CRYBB1: variants seen among roughly 807,000 people sequenced by gnomAD.
CRYBB1 encodes crystallin beta B1.
Under a neutral mutation model 29.5 loss-of-function variants are expected in CRYBB1, and 16 were observed. That is an observed-to-expected ratio of 0.54 (90% CI 0.37 to 0.82). CRYBB1 has a LOEUF of 0.82. Among genes scored for constraint, CRYBB1 ranks in the 40% least tolerant of loss-of-function variants. The pLI is 0.00. For missense variants in CRYBB1, 300 were observed against 350.5 expected (o/e 0.86, Z 1.15); for synonymous variants, 127 against 136.7 (o/e 0.93, Z 0.49).
rs1460534857 is a variant in CRYBB1 at position 26,612,103 on chromosome 22, G to A, written c.268C>T (p.Arg90Cys). 1.2e-6 allele frequency: 2 copies of A among 1,613,666 alleles called. No individual in the cohort carries two copies. The highest frequency in any genetic ancestry group is 2.2e-5 in the East Asian group (1 of 44,860). The change falls in exon 3 of 6, where the codon CGT (arginine) becomes TGT (cysteine). Residue 90 changes from arginine to cysteine, a missense_variant. Arg to Cys is a radical substitution (Grantham distance 180). Transcript: ENST00000647684. ...GCGGAGACAATGATGCTGCGCACACGGTCGAAGCCACGGTCTGCCAGATTT... is the reference window on the plus strand; with the variant it reads ...GCGGAGACAATGATGCTGCGCACACAGTCGAAGCCACGGTCTGCCAGATTT... Reference protein sequence around the residue: ...CSNLADRGFDRVRSIIVSAGP... With the variant: ...CSNLADRGFDCVRSIIVSAGP...
intron 2 of CRYBB1, 51 bp downstream of exon 2, chr22:26,616,089 A>G (rs1157634716): frequency 2.8e-6 from 4 of 1,406,404 alleles, no homozygotes; most frequent in Non-Finnish European, 4.0e-6. Flanking sequence ...AGGAGGAGGG[A>G]AGGAAGGAAA....
chr22:26,602,112 A>G, intron 4 of CRYBB1, 91 bp from the exon 5 acceptor site: 1 of 1,527,450 alleles, frequency 6.5e-7, no homozygotes, highest in Non-Finnish European at 8.9e-7. Context: ...GGAGCGAGAG[A>G]GATGAGCCTG....
At chr22:26,602,175 G>A (rs1928841986) in intron 4 of CRYBB1, among the ~76,000 whole-genome samples, 154 bp from the exon 5 acceptor site, 1 of 152,140 alleles carries the variant, frequency 6.6e-6, no homozygotes, top group African/African-American at 2.4e-5. Flanking sequence ...TCTGGAAGGA[G>A]ACATAAGGAA....
intron 4 of CRYBB1, among the ~76,000 whole-genome samples, chr22:26,603,905 CAG>C (rs1223638624): frequency 2.6e-5 from 4 of 152,148 alleles, no homozygotes; most frequent in African/African-American, 9.7e-5. Flanking sequence ...GCCTGGGTGA[CAG>C]AGCAAGACTC....
Position 26,601,971 on chromosome 22 carries a change from GC to G in CRYBB1, c.482del (p.Gly161AlafsTer4), listed in dbSNP as rs769149886. The G allele has an allele frequency of 2.0e-5, 32 of 1,613,638 alleles. No individual in the cohort carries two copies. Among genetic ancestry groups the G allele is most frequent in the Non-Finnish European group, 2.6e-5 (31 of 1,179,924 alleles). ...CGTCCCCCTGGATCTCTATGGTGTT[GC>G]CCTTGAAGTTGGCCCCTTCAAACAG... ...ISLFEGANFK[G>X]NTIEIQGDDA... is the part of the protein sequence containing the mutation. On this transcript the variant is annotated frameshift_variant, in exon 5 of 6. Coordinates refer to ENST00000647684, the MANE Select transcript of CRYBB1 (RefSeq NM_001887.4). LOFTEE classifies it high-confidence loss of function.
At chr22:26,608,435 TG>T (rs1929054920) in intron 3 of CRYBB1, among the ~76,000 whole-genome samples, 1 of 152,246 alleles carries the variant, frequency 6.6e-6, no homozygotes, top group Non-Finnish European at 1.5e-5. Flanking sequence ...TTGATGTTAA[TG>T]TGCCTTTAAC....
chr22:26,607,550 C>T (rs1350674715), intron 4 of CRYBB1, among the ~76,000 whole-genome samples: 1 of 127,742 alleles, frequency 7.8e-6, no homozygotes, highest in Non-Finnish European at 1.6e-5. Context: ...CAGCAAAACC[C>T]CATCTTTGGG....
chr22:26,612,010 C>A, intron 3 of CRYBB1, 62 bp downstream of exon 3: 1 of 1,216,414 alleles, frequency 8.2e-7, no homozygotes, highest in Non-Finnish European at 1.2e-6. Flanking sequence ...GAAATGGCAG[C>A]TACTGTTGTG....
chr22:26,613,801 C>T (rs1044666388), intron 2 of CRYBB1, among the ~76,000 whole-genome samples: 1 of 152,268 alleles, frequency 6.6e-6, no homozygotes, highest in Admixed American at 6.5e-5. Flanking sequence ...AAACTCTGAC[C>T]GCCAGTGAGC....
chr22:26,608,080 C>T lies in CRYBB1; in HGVS notation c.300-59G>A. On this transcript the variant is annotated intron_variant, in intron 3 of 5. Transcript: ENST00000647684. ...GACATATGGTTAGTAGAAGCCCCCACTCCCTACTTGCCTTTCTCTCTCCCC... is the reference window on the plus strand; with the variant it reads ...GACATATGGTTAGTAGAAGCCCCCATTCCCTACTTGCCTTTCTCTCTCCCC... 5.6e-6 allele frequency: 9 copies of T among 1,613,052 alleles called. No homozygotes were observed. In the South Asian group the frequency reaches 8.8e-5, roughly 16 times the overall value.
In CRYBB1 at chr22:26,599,549, C is replaced by T. The variant is rs778070512; in HGVS notation, c.700G>A (p.Asp234Asn). 2 of 1,614,138 alleles carry T rather than the reference C, an allele frequency of 1.2e-6. No homozygotes were observed. The highest frequency in any genetic ancestry group is 2.2e-5 in the East Asian group (1 of 44,886). The stretch of plus-strand genomic sequence containing the variant: ...GACCCCTCGAGGTGCCACTGCTTGT[C>T]ACGCAGGCGACGCAGGGACTGCATC... ...PQMQSLRRLR[D>N]KQWHLEGSFP... Residue 234 changes from aspartate (D) to asparagine (N), a missense_variant, in exon 6 of 6, where the codon GAC becomes AAC. Coordinates refer to ENST00000647684, the MANE Select transcript of CRYBB1 (RefSeq NM_001887.4).
At chr22:26,605,549 C>A (rs944381215) in intron 4 of CRYBB1, among the ~76,000 whole-genome samples, 1 of 151,634 alleles carries the variant, frequency 6.6e-6, no homozygotes, top group African/African-American at 2.4e-5. Flanking sequence ...CGGTGCACAC[C>A]TATAATCCCA....
Position 26,612,161 on chromosome 22 carries a change from C to G in CRYBB1, c.210G>C (p.Gln70His). 6.2e-7 allele frequency: 1 copy of G among 1,613,906 alleles called. No individual in the cohort carries two copies. Among genetic ancestry groups the G allele is most frequent in the East Asian group, 2.2e-5 (1 of 44,844 alleles). ...RLVVFELENF[Q>H]GRRAEFSGEC... ...CCCCCGAGAATTCTGCTCGACGGCC[C>G]TGGAAGTTTTCCAGTTCGAAGACCA... Residue 70 changes from glutamine (Q) to histidine (H), a missense_variant, in exon 3 of 6, where the codon CAG (glutamine) becomes CAC (histidine). Coordinates refer to ENST00000647684, the MANE Select transcript of CRYBB1 (RefSeq NM_001887.4).
rs144920095 is a variant in CRYBB1 at position 26,616,168 on chromosome 22, G to A, written c.152C>T (p.Ala51Val). 38 of 1,614,070 alleles carry A rather than the reference G, an allele frequency of 2.4e-5. No individual in the cohort carries two copies. Among genetic ancestry groups the A allele is most frequent in the African/African-American group, 2.3e-4 (17 of 74,928 alleles). ...PTTVPITSAK[A>V]AELPPGNYRL... is the part of the protein sequence containing the mutation. Reference sequence around the variant, plus strand: ...GTAGTTCCCAGGAGGCAGTTCCGCCGCCTTGGCGCTGGTAATAGGCACGGT... The same window carrying A: ...GTAGTTCCCAGGAGGCAGTTCCGCCACCTTGGCGCTGGTAATAGGCACGGT... Residue 51 changes from alanine (A) to valine (V), a missense_variant, in exon 2 of 6, where the codon GCG becomes GTG. Coordinates refer to ENST00000647684, the MANE Select transcript of CRYBB1 (RefSeq NM_001887.4).
intron 3 of CRYBB1, 150 bp downstream of exon 3, chr22:26,611,922 C>T (rs1929178454): frequency 1.4e-5 from 10 of 706,556 alleles, no homozygotes; most frequent in Non-Finnish European, 2.6e-5. Context: ...ATTCCTCCCT[C>T]TTCAGTTTGA....
intron 3 of CRYBB1, 50 bp from the exon 4 acceptor site, chr22:26,608,071 A>G: frequency 6.2e-7 from 1 of 1,613,580 alleles, no homozygotes; most frequent in Non-Finnish European, 8.5e-7. Context: ...TGGTTAGTAG[A>G]AGCCCCCACT....
At position 26,601,950 on chromosome 22, in the gene CRYBB1, C is replaced by A. The variant is rs1017163439; in HGVS notation, c.504G>T (p.Gly168=). ...NFKGNTIEIQ[G]DDAPSLWVYG... The stretch of plus-strand genomic sequence containing the variant: ...AGACCCAGAGACTGGGTGCGTCGTC[C>A]CCCTGGATCTCTATGGTGTTGCCCT... Residue 168 remains glycine, a synonymous_variant, in exon 5 of 6, where the codon GGG becomes GGT. Transcript: ENST00000647684. 6.2e-7 allele frequency: 1 copy of A among 1,613,308 alleles called. No homozygotes were observed. Among genetic ancestry groups the A allele is most frequent in the Admixed American group, 1.7e-5 (1 of 59,990 alleles).
At chr22:26,614,454 C>T (rs2145971417) in intron 2 of CRYBB1, among the ~76,000 whole-genome samples, 1 of 152,278 alleles carries the variant, frequency 6.6e-6, no homozygotes, top group Non-Finnish European at 1.5e-5. Flanking sequence ...GGGCAGGTTC[C>T]CCGATACCAG....
intron 2 of CRYBB1, among the ~76,000 whole-genome samples, chr22:26,612,495 GA>G (rs1400081427): frequency 9.2e-5 from 14 of 152,152 alleles, no homozygotes; most frequent in African/African-American, 3.1e-4. Flanking sequence ...CCGAGTAGTT[GA>G]GATTACAGGC....
Sources: allele counts gnomAD v4.1 joint callset (sites outside exome capture counted in the v4.1 genomes callset), GRCh38; gene constraint gnomAD v4.1.1; transcripts MANE v1.5; gene names NCBI Gene and HGNC (gene_info 2026-07-23, HGNC 2026-07-21).